ACAP1: variants seen among roughly 807,000 people sequenced by gnomAD.
ACAP1 encodes the protein ArfGAP with coiled-coil, ankyrin repeat and PH domains 1.
ACAP1 carries 45 observed loss-of-function variants against 98.8 expected under a neutral mutation model. That is an observed-to-expected ratio of 0.46 (90% CI 0.36 to 0.58). The LOEUF is 0.58. Ranked by LOEUF, ACAP1 falls within the 20% of genes least tolerant of loss-of-function variation. The probability of loss-of-function intolerance (pLI) is 0.00; values close to 1 mark genes in which losing one functional copy is unlikely to be tolerated. For synonymous variants in ACAP1, 362 were observed against 375.3 expected (o/e 0.96, Z 0.41); for missense variants, 735 against 971.4 (o/e 0.76, Z 3.24).
intron 2 of ACAP1, among the ~76,000 whole-genome samples, chr17:7,338,940 T>C (rs550153546): frequency 4.7e-4 from 71 of 152,120 alleles, no homozygotes; most frequent in African/African-American, 1.5e-3. Context: ...TGGTGACATC[T>C]TATACAATAC....
intron 17 of ACAP1, 141 bp downstream of exon 17, chr17:7,348,616 C>A: frequency 2.1e-6 from 2 of 945,262 alleles, no homozygotes; most frequent in East Asian, 2.8e-5. Context: ...TCAGGGGTTA[C>A]GGTGGAGTGT....
chr17:7,346,286 G>A lies in ACAP1; in HGVS notation c.897G>A (p.Lys299=), dbSNP rs914408929. The part of the protein sequence containing the change: ...TIQSNQLVYQ[K]KYKDPVTVVV... Reference sequence around the variant, plus strand: ...AGAGCAACCAACTGGTTTACCAGAAGAAGTACAAGGTGAGTGGACCTGGGT... The same window carrying A: ...AGAGCAACCAACTGGTTTACCAGAAAAAGTACAAGGTGAGTGGACCTGGGT... The change falls in exon 11 of 22, where the codon AAG becomes AAA. Residue 299 remains lysine, a synonymous_variant. Transcript: ENST00000158762. The A allele has an allele frequency of 1.9e-6, 3 of 1,614,132 alleles. No homozygotes were observed. The African/African-American group carries it at 4.0e-5, about 22-fold the overall frequency.
chr17:7,350,614 T>A lies in ACAP1; in HGVS notation c.2073-336T>A. On this transcript the variant is annotated intron_variant, in intron 20 of 21. Coordinates refer to ENST00000158762, the MANE Select transcript of ACAP1 (RefSeq NM_014716.4). This position sits in a 1 kb window ranked among gnomAD's most constrained non-coding sequence, Gnocchi z 4.6. ...TTGTGGGGGAGGTGAGGATAGTCTTTTTTTTTTTTTTTGAGACGGAGTCTC... is the reference window on the plus strand; with the variant it reads ...TTGTGGGGGAGGTGAGGATAGTCTTATTTTTTTTTTTTGAGACGGAGTCTC... 3.4e-6 allele frequency: 1 copy of A among 290,874 alleles called. No homozygotes were observed. Among genetic ancestry groups the A allele is most frequent in the Non-Finnish European group, 6.6e-6 (1 of 152,304 alleles). 18.0% of individuals were successfully genotyped at this position (290,874 alleles called of 1,614,324 possible). A position where few individuals can be genotyped will look rare whatever the true frequency, so the allele number is the denominator to read the frequency against.
Position 7,350,714 on chromosome 17 carries a change from T to C in ACAP1, c.2073-236T>C. The C allele has an allele frequency of 2.1e-6, 1 of 474,750 alleles. No homozygotes were observed. The allele number at this position is 474,750 out of a possible 1,614,324, so 29.4% of individuals were successfully genotyped here. ...ACCCCCGCCTCCCGGGTTCAAGCGA[T>C]TCTCCTGTCTCAGCCTCCCCTGAGT... On this transcript the variant is annotated intron_variant, in intron 20 of 21. Coordinates refer to ENST00000158762, the MANE Select transcript of ACAP1 (RefSeq NM_014716.4). This position sits in a 1 kb window ranked among gnomAD's most constrained non-coding sequence, Gnocchi z 4.6.
Position 7,351,026 on chromosome 17 carries a change from C to G in ACAP1, c.2122+27C>G, listed in dbSNP as rs1295053965. On this transcript the variant is annotated intron_variant, in intron 21 of 21. Coordinates refer to ENST00000158762, the MANE Select transcript of ACAP1 (RefSeq NM_014716.4). ...TAAAGAATACACCCACCCCACCCCC[C>G]AGGCCCAACACCTGAACTCTGGGCT... 3 of 1,610,526 alleles carry G rather than the reference C, an allele frequency of 1.9e-6. No individual in the cohort carries two copies. In the East Asian group the frequency reaches 6.7e-5, roughly 36 times the overall value.
In ACAP1 at chr17:7,351,295, G is replaced by C; in HGVS notation, c.2123G>C (p.Gly708Ala). 1 of 1,612,398 alleles carries C rather than the reference G, an allele frequency of 6.2e-7. No homozygotes were observed. The highest frequency in any genetic ancestry group is 8.5e-7 in the Non-Finnish European group (1 of 1,178,860). ...REAEAAQGQA[G>A]DETYLDIFRD... ...TCCCGGCCTTTCCTCCCTCCCCCAG[G>C]AGATGAGACGTATCTTGACATCTTC... Residue 708 changes from glycine (G) to alanine (A), a missense_variant and splice_region_variant, in exon 22 of 22, where the codon GGA becomes GCA. Physicochemically the swap from Gly to Ala is moderately conservative, Grantham distance 60 (BLOSUM62 0). This residue lies in a region of ACAP1 where 142 missense variants were observed against 224.1 expected (regional missense o/e 0.63). Coordinates refer to ENST00000158762, the MANE Select transcript of ACAP1 (RefSeq NM_014716.4).
chr17:7,337,843 G>C (rs2073237108), intron 2 of ACAP1, among the ~76,000 whole-genome samples: 2 of 151,622 alleles, frequency 1.3e-5, no homozygotes, highest in Admixed American at 1.3e-4. Context: ...GACAGAGCGA[G>C]ACTCTGTGTC....
At chr17:7,348,590 G>C in intron 17 of ACAP1, 115 bp downstream of exon 17, 1 of 1,198,832 alleles carries the variant, frequency 8.3e-7, no homozygotes, top group South Asian at 1.9e-5. Flanking sequence ...AATGTCGGAG[G>C]GACCGGACTG....
Position 7,349,081 on chromosome 17 carries a change from G to A in ACAP1, c.1765G>A (p.Ala589Thr), listed in dbSNP as rs1268285279. 1.9e-6 allele frequency: 3 copies of A among 1,613,874 alleles called. No homozygotes were observed. In the Admixed American group the frequency reaches 5.0e-5, roughly 27 times the overall value. The stretch of plus-strand genomic sequence containing the variant: ...GCATCCTCCATCTCTTCCCACCATG[G>A]CTGATGCCCTTGCCCATGGAGCTGA... ...SGHPPSLPTM[A>T]DALAHGADVN... is the part of the protein sequence containing the mutation. The change falls in exon 18 of 22, where the codon GCT becomes ACT. Residue 589 changes from alanine (A) to threonine (T), a missense_variant. By Grantham distance (58) the Ala-to-Thr change is moderately conservative (BLOSUM62 0). This residue lies in a region of ACAP1 where 142 missense variants were observed against 224.1 expected (regional missense o/e 0.63). Coordinates refer to ENST00000158762, the MANE Select transcript of ACAP1 (RefSeq NM_014716.4).
rs528868840 is a variant in ACAP1, at chr17:7,344,193, C to T, written c.744+70C>T. 187 of 1,495,716 alleles carry T rather than the reference C, an allele frequency of 1.3e-4. 1 individual carries two copies. In the African/African-American group the frequency reaches 2.5e-3, roughly 20 times the overall value. The allele number at this position is 1,495,716 out of a possible 1,614,324, so 92.7% of individuals were successfully genotyped here. ...TTGGGAGGCTGAGGTGGGAAGATTG[C>T]TTGAGGCCTGGAGTTCAAGATTAGC... On this transcript the variant is annotated intron_variant, in intron 9 of 21. Transcript: ENST00000158762. This position sits in a 1 kb window ranked among gnomAD's most constrained non-coding sequence, Gnocchi z 4.9.
At chr17:7,347,332 T>G in intron 14 of ACAP1, 90 bp downstream of exon 14, 1 of 1,252,372 alleles carries the variant, frequency 8.0e-7, no homozygotes, top group Non-Finnish European at 1.1e-6. Flanking sequence ...CCCTCTTCCT[T>G]CCCTGTCCTG....
chr17:7,336,643 C>G lies in ACAP1; in HGVS notation c.-92C>G. 1 of 1,375,786 alleles carries G rather than the reference C, an allele frequency of 7.3e-7. No individual in the cohort carries two copies. 85.2% of individuals were successfully genotyped at this position (1,375,786 alleles called of 1,614,324 possible). ...GGAGGTCCCTCTCCTCCTTCCCCCT[C>G]ATCTCCCCTTCCTGGGACAGAAAGT... On this transcript the variant is annotated 5_prime_UTR_variant, in exon 1 of 22. Transcript: ENST00000158762.
Position 7,350,416 on chromosome 17 carries a change from G to C in ACAP1, c.2072+179G>C. On this transcript the variant is annotated intron_variant, in intron 20 of 21. Transcript: ENST00000158762. The surrounding 1 kb of genome is among the most constrained non-coding windows in gnomAD (Gnocchi z 4.6). Reference sequence around the variant, plus strand: ...AAAGGCTGCGCGAAGTGTGCACTGGGACGTGGAGTAGAAGGCAGGCGGGAG... The same window carrying C: ...AAAGGCTGCGCGAAGTGTGCACTGGCACGTGGAGTAGAAGGCAGGCGGGAG... 1 of 582,674 alleles carries C rather than the reference G, an allele frequency of 1.7e-6. No homozygotes were observed. Among genetic ancestry groups the C allele is most frequent in the South Asian group, 2.0e-5 (1 of 50,328 alleles). 36.1% of individuals were successfully genotyped at this position (582,674 alleles called of 1,614,324 possible).
chr17:7,346,716 T>G lies in ACAP1; in HGVS notation c.1008-92T>G, dbSNP rs147735607. On this transcript the variant is annotated intron_variant, in intron 12 of 21. Coordinates refer to ENST00000158762, the MANE Select transcript of ACAP1 (RefSeq NM_014716.4). ...AGTCTTTCAATGCAACTGGAACTGG[T>G]TGAATACTGGCTGAATGTCAGTCTG... 2.7e-4 allele frequency: 389 copies of G among 1,447,804 alleles called. 2 individuals are homozygous for G. The African/African-American group carries it at 4.6e-3, about 17-fold the overall frequency. 89.7% of individuals were successfully genotyped at this position (1,447,804 alleles called of 1,614,324 possible).
intron 14 of ACAP1, chr17:7,347,487 G>A (rs2073358160): frequency 1.9e-6 from 1 of 526,062 alleles, no homozygotes; most frequent in Admixed American, 3.6e-5. Context: ...TGTTGGCTTG[G>A]TTGGAAGAAG....
At chr17:7,347,002 GC>G in intron 13 of ACAP1, 28 bp from the exon 14 acceptor site, 1 of 1,570,316 alleles carries the variant, frequency 6.4e-7, no homozygotes, top group Non-Finnish European at 8.7e-7. Context: ...AGGCCCCTTG[GC>G]CACCCTTTCT....
At position 7,349,960 on chromosome 17, in the gene ACAP1, TGTGA is replaced by T. The variant is rs1348799509; in HGVS notation, c.1870_1873del (p.Glu624PhefsTer9). On this transcript the variant is annotated frameshift_variant, in exon 19 of 22. Coordinates refer to ENST00000158762, the MANE Select transcript of ACAP1 (RefSeq NM_014716.4). LOFTEE classifies it high-confidence loss of function. ...CTCCATGCAGAATTCTCTTCTGGCC[TGTGA>T]GTTTCTCCTCCAGAACGGGGCGAAC... is the stretch of plus-strand genomic sequence containing the variant. 1 of 1,610,580 alleles carries T rather than the reference TGTGA, an allele frequency of 6.2e-7. No homozygotes were observed. The highest frequency in any genetic ancestry group is 8.5e-7 in the Non-Finnish European group (1 of 1,177,746).
At chr17:7,337,218 C>A in intron 1 of ACAP1, 94 bp from the exon 2 acceptor site, 1 of 1,212,970 alleles carries the variant, frequency 8.2e-7, no homozygotes, top group South Asian at 1.3e-5. Context: ...CAGCTTTCTC[C>A]TCCGTACCCA....
intron 3 of ACAP1, 34 bp downstream of exon 3, chr17:7,342,101 G>T (rs747534503): frequency 5.6e-6 from 9 of 1,612,114 alleles, no homozygotes; most frequent in South Asian, 2.2e-5. Context: ...GAGGGAAGGG[G>T]TCTGGGATGA....
Sources: allele counts gnomAD v4.1 joint callset (sites outside exome capture counted in the v4.1 genomes callset), GRCh38; gene constraint gnomAD v4.1.1; regional missense constraint gnomAD v4.1.1; non-coding constraint Gnocchi (gnomAD v3.1); transcripts MANE v1.5; gene names NCBI Gene and HGNC (gene_info 2026-07-23, HGNC 2026-07-21).